Variants in SPRED1 observed in about 807,000 individuals in gnomAD.
The protein encoded by SPRED1 is sprouty related EVH1 domain containing 1.
Under a neutral mutation model 52.3 loss-of-function variants are expected in SPRED1, and 18 were observed. The observed-to-expected ratio is 0.34, with a 90% CI of 0.24 to 0.51. SPRED1 has a LOEUF of 0.51. Among genes scored for constraint, SPRED1 ranks in the 20% least tolerant of loss-of-function variants. SPRED1 has a pLI of 0.97. For missense variants in SPRED1, 485 were observed against 551.0 expected (o/e 0.88, Z 1.20); for synonymous variants, 155 against 179.7 (o/e 0.86, Z 1.10).
intron 1 of SPRED1, among the ~76,000 whole-genome samples, chr15:38,265,051 G>T (rs373558120): frequency 6.8e-4 from 104 of 152,236 alleles, no homozygotes; most frequent in African/African-American, 2.4e-3. Context: ...TAGCCTTTGG[G>T]TTCTCCATTC....
intron 2 of SPRED1, among the ~76,000 whole-genome samples, chr15:38,318,666 A>C (rs1285295501): frequency 6.6e-6 from 1 of 152,080 alleles, no homozygotes; most frequent in Admixed American, 6.5e-5. Context: ...GCTCCCTCTT[A>C]TAAGTAAGAA....
At chr15:38,339,967 C>G (rs1895998170) in intron 5 of SPRED1, 72 bp downstream of exon 5, 5 of 1,575,714 alleles carry the variant, frequency 3.2e-6, no homozygotes, top group Non-Finnish European at 4.3e-6. Context: ...TAGATAAGGA[C>G]GTTAAAACCA....
chr15:38,317,801 C>CTTTT (rs34731985), intron 2 of SPRED1, among the ~76,000 whole-genome samples: 8 of 140,080 alleles, frequency 5.7e-5, no homozygotes, highest in Non-Finnish European at 1.1e-4. Context: ...TTTCTGCTTT[C>CTTTT]TTTTTTTTTT....
In SPRED1 at chr15:38,253,127, G is replaced by C. The variant is rs886835887; in HGVS notation, c.-59G>C. On this transcript the variant is annotated 5_prime_UTR_variant, in exon 1 of 7. Coordinates refer to ENST00000299084, the MANE Select transcript of SPRED1 (RefSeq NM_152594.3). ...CTGCCTCCTGCCCCTCGGTGCTGCT[G>C]TTGCTCCCCCGCCTGCTGTTGCTCC... 28 of 1,528,254 alleles carry C rather than the reference G, an allele frequency of 1.8e-5. No homozygotes were observed. Among genetic ancestry groups the C allele is most frequent in the Non-Finnish European group, 2.4e-5 (27 of 1,125,370 alleles). 94.7% of individuals were successfully genotyped at this position (1,528,254 alleles called of 1,614,324 possible).
Position 38,349,493 on chromosome 15 carries a change from G to T in SPRED1, c.654G>T (p.Lys218Asn). The T allele has an allele frequency of 6.2e-7, 1 of 1,612,458 alleles. No individual in the cohort carries two copies. ...SMEYVQRQIS[K>N]ECGSLKSQNR... Reference sequence around the variant, plus strand: ...AATACGTACAGCGGCAAATATCCAAGGAATGTGGAAGCCTAAAGTCCCAAA... The same window carrying T: ...AATACGTACAGCGGCAAATATCCAATGAATGTGGAAGCCTAAAGTCCCAAA... Residue 218 changes from lysine (K) to asparagine (N), a missense_variant, in exon 6 of 7, where the codon AAG becomes AAT. Transcript: ENST00000299084.
At chr15:38,330,890 A>G (rs1732620681) in intron 4 of SPRED1, among the ~76,000 whole-genome samples, 1 of 152,110 alleles carries the variant, frequency 6.6e-6, no homozygotes, top group African/African-American at 2.4e-5. Flanking sequence ...AAGGGTTTGC[A>G]AAACAGTACT....
intron 1 of SPRED1, among the ~76,000 whole-genome samples, chr15:38,291,498 C>T (rs557987207): frequency 6.6e-6 from 1 of 152,374 alleles, no homozygotes; most frequent in South Asian, 2.1e-4. Flanking sequence ...TTCCACACTG[C>T]CCTAGCAGAG....
intron 6 of SPRED1, 60 bp from the exon 7 acceptor site, chr15:38,350,954 G>T: frequency 6.6e-7 from 1 of 1,508,446 alleles, no homozygotes; most frequent in Admixed American, 1.8e-5. Context: ...CCCCACCAAG[G>T]TGACACGTAA....
intron 4 of SPRED1, among the ~76,000 whole-genome samples, chr15:38,326,791 A>G (rs369610396): frequency 4.6e-5 from 7 of 152,140 alleles, no homozygotes; most frequent in Non-Finnish European, 1.0e-4. Flanking sequence ...TGAAAACACT[A>G]TGCAGATGCA....
At chr15:38,349,091 G>T (rs934432678) in intron 5 of SPRED1, among the ~76,000 whole-genome samples, 2 of 151,984 alleles carry the variant, frequency 1.3e-5, no homozygotes, top group Non-Finnish European at 2.9e-5. Context: ...TGTGACATGT[G>T]TAACTACTTT....
chr15:38,265,008 C>T (rs150555188), intron 1 of SPRED1, among the ~76,000 whole-genome samples: 1 of 152,166 alleles, frequency 6.6e-6, no homozygotes, highest in African/African-American at 2.4e-5. Flanking sequence ...AGGGTTTTAT[C>T]CAATACATTA....
intron 1 of SPRED1, among the ~76,000 whole-genome samples, chr15:38,286,525 C>G (rs1894814597): frequency 7.6e-6 from 1 of 130,750 alleles, no homozygotes; most frequent in Non-Finnish European, 1.6e-5. Flanking sequence ...ACCATCTCCT[C>G]TAATCATTAC....
intron 1 of SPRED1, among the ~76,000 whole-genome samples, chr15:38,267,211 G>T (rs149767691): frequency 3.8e-4 from 56 of 146,734 alleles, no homozygotes; most frequent in Middle Eastern, 7.0e-3. Context: ...AAAGACTTAG[G>T]CGTATATCTA....
chr15:38,255,818 C>G (rs758942939), intron 1 of SPRED1, among the ~76,000 whole-genome samples: 12 of 152,002 alleles, frequency 7.9e-5, no homozygotes, highest in Non-Finnish European at 1.3e-4. Context: ...AAAGCCATTG[C>G]TCATAGGGAT....
At chr15:38,261,901 T>C (rs1346741295) in intron 1 of SPRED1, among the ~76,000 whole-genome samples, 1 of 152,194 alleles carries the variant, frequency 6.6e-6, no homozygotes, top group African/African-American at 2.4e-5. Context: ...AGATAAAATT[T>C]AGTGAGTTGT....
chr15:38,268,927 TACTA>T (rs1224147356), intron 1 of SPRED1, among the ~76,000 whole-genome samples: 7 of 147,424 alleles, frequency 4.7e-5, no homozygotes, highest in Admixed American at 1.4e-4. Context: ...ATATTTATAG[TACTA>T]ACTTTTTTCT....
At chr15:38,319,403 G>A (rs1384081097) in intron 2 of SPRED1, among the ~76,000 whole-genome samples, 3 of 152,168 alleles carry the variant, frequency 2.0e-5, no homozygotes, top group Non-Finnish European at 2.9e-5. Context: ...TTTTGAGACA[G>A]AGTTTTACTC....
At chr15:38,336,766 T>C (rs1895932377) in intron 4 of SPRED1, among the ~76,000 whole-genome samples, 1 of 151,760 alleles carries the variant, frequency 6.6e-6, no homozygotes, top group African/African-American at 2.4e-5. Context: ...AAGAATGATA[T>C]GTTGGACTTT....
At chr15:38,274,830 CT>C (rs1486945499) in intron 1 of SPRED1, among the ~76,000 whole-genome samples, 1 of 152,142 alleles carries the variant, frequency 6.6e-6, no homozygotes, top group African/African-American at 2.4e-5. Flanking sequence ...CTAAATTCAA[CT>C]TACATGTTTT....
Sources: gnomAD v4.1 joint callset for allele counts (sites outside exome capture counted in the v4.1 genomes callset) on GRCh38, gnomAD v4.1.1 for gene constraint, MANE v1.5 for transcripts, NCBI Gene and HGNC (gene_info 2026-07-23, HGNC 2026-07-21) for gene names.